The following NMU variants were observed in gnomAD, a reference collection of about 807,000 sequenced individuals.
NMU encodes neuromedin-U.
A neutral mutation model predicts 35.4 loss-of-function variants in NMU; 29 were observed. The observed-to-expected ratio is 0.82, with a 90% CI of 0.61 to 1.12. NMU has a LOEUF of 1.12. Among genes scored for constraint, NMU ranks in the 50% most tolerant of loss-of-function variants. The pLI, the probability that NMU is intolerant of heterozygous loss-of-function variation, is 0.00. For synonymous variants in NMU, 78 were observed against 81.3 expected (o/e 0.96, Z 0.22); for missense variants, 199 against 206.2 (o/e 0.97, Z 0.21).
At chr4:55,624,114 A>G (rs1734422701) in intron 2 of NMU, among the ~76,000 whole-genome samples, 1 of 150,388 alleles carries the variant, frequency 6.6e-6, no homozygotes, top group Non-Finnish European at 1.5e-5. Context: ...CATGGGCAAG[A>G]ACTTCATGAC....
chr4:55,626,638 G>C (rs1734541641), intron 2 of NMU, among the ~76,000 whole-genome samples: 1 of 152,140 alleles, frequency 6.6e-6, no homozygotes, highest in South Asian at 2.1e-4. Flanking sequence ...ACCCGAGGAG[G>C]GGGAGGTTGC....
rs374080697 is a variant in NMU, at chr4:55,615,615, C to T, written c.219+723G>A. ...TTGTCCCCAAATACAGCAATAGATA[C>T]AGTATTTTAAATTTTTATTATTATT... On this transcript the variant is annotated intron_variant, in intron 3 of 9. Coordinates refer to ENST00000264218, the MANE Select transcript of NMU (RefSeq NM_006681.4). 3.9e-4 allele frequency among the ~76,000 whole-genome samples: 60 copies of T among 152,278 alleles called. No individual in the cohort carries two copies. The Middle Eastern group carries it at 0.01, about 26-fold the overall frequency.
At chr4:55,627,250 CT>C (rs5858341) in intron 2 of NMU, among the ~76,000 whole-genome samples, 7,908 of 147,010 alleles carry the variant, frequency 0.054, 244 homozygotes, top group Non-Finnish European at 0.078. Flanking sequence ...ATTACCATGC[CT>C]TTTTTTTTTT....
intron 9 of NMU, 94 bp downstream of exon 9, chr4:55,599,048 G>T: frequency 1.3e-6 from 1 of 798,232 alleles, no homozygotes; most frequent in South Asian, 1.5e-5. Flanking sequence ...TTTAATTTGT[G>T]ACTATTTGAA....
intron 7 of NMU, among the ~76,000 whole-genome samples, 188 bp downstream of exon 7, chr4:55,605,087 G>A (rs1227764606): frequency 6.6e-6 from 1 of 152,064 alleles, no homozygotes; most frequent in East Asian, 1.9e-4. Flanking sequence ...TATTGCAGGG[G>A]GCCATGGAAG....
chr4:55,611,186 A>C (rs1434288699), intron 3 of NMU, among the ~76,000 whole-genome samples: 2 of 151,974 alleles, frequency 1.3e-5, no homozygotes, highest in Non-Finnish European at 2.9e-5. Flanking sequence ...ACATAGCAAG[A>C]TCCTGTCTCT....
intron 7 of NMU, among the ~76,000 whole-genome samples, chr4:55,604,679 A>ATATTTTTTTTTTTTTTTT (rs1553909885): frequency 6.3e-5 from 3 of 47,616 alleles, no homozygotes; most frequent in African/African-American, 3.5e-4. Context: ...TGCCTGGCTA[A>ATATTTTTTTTTTTTTTTT]TTTTTTTTTT....
chr4:55,609,180 C>G lies in NMU; in HGVS notation c.220-1G>C, dbSNP rs759226013. 8.7e-6 allele frequency: 14 copies of G among 1,608,522 alleles called. No individual in the cohort carries two copies. In the East Asian group the frequency reaches 2.9e-4, roughly 33 times the overall value. ...AAAGCTCCTCCAGTGCGTTGGATGC[C>G]TAACAGAAATGAGAAGATATGTAAG... On this transcript the variant is annotated splice_acceptor_variant, in intron 3 of 9. Coordinates refer to ENST00000264218, the MANE Select transcript of NMU (RefSeq NM_006681.4). LOFTEE classifies it high-confidence loss of function.
chr4:55,627,013 A>G (rs1398322678), intron 2 of NMU, among the ~76,000 whole-genome samples: 1 of 152,172 alleles, frequency 6.6e-6, no homozygotes, highest in Non-Finnish European at 1.5e-5. Flanking sequence ...TTGGTCCTCA[A>G]CTGGGGTCTG....
intron 9 of NMU, among the ~76,000 whole-genome samples, chr4:55,598,286 G>C (rs1404025038): frequency 6.6e-6 from 1 of 151,634 alleles, no homozygotes; most frequent in African/African-American, 2.4e-5. Context: ...TGTAGAGATG[G>C]GGTATCAAAA....
At chr4:55,595,974 T>A (rs1049393470) in intron 9 of NMU, among the ~76,000 whole-genome samples, 7 of 152,092 alleles carry the variant, frequency 4.6e-5, no homozygotes, top group Admixed American at 2.0e-4. Flanking sequence ...TCATTTAATC[T>A]GTCTCTAATG....
At chr4:55,595,643 A>ATATATATTT (rs1258986050) in intron 9 of NMU, among the ~76,000 whole-genome samples, 7 of 66,420 alleles carry the variant, frequency 1.1e-4, no homozygotes, top group South Asian at 5.6e-4. Flanking sequence ...ATATATATAT[A>ATATATATTT]TTTTTTTTTT....
intron 2 of NMU, among the ~76,000 whole-genome samples, chr4:55,630,115 C>G (rs1734699305): frequency 6.6e-6 from 1 of 151,746 alleles, no homozygotes; most frequent in Non-Finnish European, 1.5e-5. Flanking sequence ...TAAAAAAATC[C>G]AATCTTAGAA....
intron 2 of NMU, among the ~76,000 whole-genome samples, chr4:55,629,501 C>G (rs1263820780): frequency 6.6e-6 from 1 of 151,484 alleles, no homozygotes; most frequent in African/African-American, 2.4e-5. Context: ...CGCCTGTACT[C>G]CCAGCTACTT....
At chr4:55,636,352 G>C, upstream of NMU, 1 of 1,118,914 alleles carries the variant, frequency 8.9e-7, no homozygotes, top group Non-Finnish European at 1.2e-6. The surrounding 1 kb of genome is among the most constrained non-coding windows in gnomAD (Gnocchi z 4.0). Context: ...GGGCTGGGCT[G>C]CGCGGTCCCC....
In NMU at chr4:55,609,510, T is replaced by A. The variant is rs565513217; in HGVS notation, c.220-331A>T. ...TATGACTGAGAGTAACAAGGGACAG[T>A]GCCAGAAGAGGAATTATTCTTCCCA... On this transcript the variant is annotated intron_variant, in intron 3 of 9. Transcript: ENST00000264218. Among the ~76,000 whole-genome samples the A allele has an allele frequency of 5.3e-5, 8 of 152,336 alleles. No homozygotes were observed. The South Asian group carries it at 1.2e-3, about 24-fold the overall frequency.
At chr4:55,624,071 A>G (rs1734420538) in intron 2 of NMU, among the ~76,000 whole-genome samples, 1 of 143,916 alleles carries the variant, frequency 6.9e-6, no homozygotes, top group Non-Finnish European at 1.5e-5. Flanking sequence ...AAACCCTAGA[A>G]GAAAACCTAG....
intron 7 of NMU, among the ~76,000 whole-genome samples, chr4:55,600,962 T>C (rs1354519473): frequency 6.6e-6 from 1 of 152,122 alleles, no homozygotes; most frequent in South Asian, 2.1e-4. Context: ...TGTTAACCCA[T>C]GAACAGGGGA....
At chr4:55,610,962 A>C (rs1733906692) in intron 3 of NMU, among the ~76,000 whole-genome samples, 2 of 152,200 alleles carry the variant, frequency 1.3e-5, no homozygotes, top group Admixed American at 1.3e-4. Context: ...TTAATTTCAA[A>C]AGCTTATAGA....
Sources: gnomAD v4.1 joint callset for allele counts (sites outside exome capture counted in the v4.1 genomes callset) on GRCh38, gnomAD v4.1.1 for gene constraint, Gnocchi (gnomAD v3.1) non-coding constraint, MANE v1.5 for transcripts, NCBI Gene and HGNC (gene_info 2026-07-23, HGNC 2026-07-21) for gene names.